The following SHISA5 variants were observed in gnomAD, a reference collection of about 807,000 sequenced individuals.
The protein encoded by SHISA5 is shisa family member 5, also known as protein shisa-5.
Under a neutral mutation model 27.5 loss-of-function variants are expected in SHISA5, and 21 were observed. The observed-to-expected ratio is 0.76, with a 90% CI of 0.54 to 1.10. The LOEUF (loss-of-function observed/expected upper bound fraction) is 1.10. Among genes scored for constraint, SHISA5 ranks in the 50% least tolerant of loss-of-function variants. The probability of loss-of-function intolerance (pLI) is 0.00; values close to 1 mark genes in which losing one functional copy is unlikely to be tolerated. For missense variants in SHISA5, 314 were observed against 336.3 expected (o/e 0.93, Z 0.52); for synonymous variants, 137 against 142.2 (o/e 0.96, Z 0.26).
At chr3:48,485,564 T>C in intron 2 of SHISA5, among the ~76,000 whole-genome samples, 1 of 144,252 alleles carries the variant, frequency 6.9e-6, no homozygotes, top group East Asian at 2.0e-4. Flanking sequence ...ATATTATATA[T>C]AATATATATT....
chr3:48,472,697 C>T (rs543308905), intron 3 of SHISA5, among the ~76,000 whole-genome samples: 5 of 152,060 alleles, frequency 3.3e-5, no homozygotes, highest in East Asian at 1.9e-4. Context: ...CACCCTACCC[C>T]GCCCTGGGAC....
intron 2 of SHISA5, among the ~76,000 whole-genome samples, chr3:48,487,687 G>T (rs1478061782): frequency 2.0e-5 from 3 of 152,098 alleles, no homozygotes; most frequent in Admixed American, 2.0e-4. Flanking sequence ...CTGAGGTAAG[G>T]AGTTCAAGGC....
intron 2 of SHISA5, among the ~76,000 whole-genome samples, chr3:48,489,908 G>C (rs1275932548): frequency 1.3e-5 from 2 of 152,054 alleles, no homozygotes; most frequent in Non-Finnish European, 2.9e-5. Flanking sequence ...GGGATTAAAG[G>C]CGTCAGCCAT....
chr3:48,473,526 G>A lies in SHISA5; in HGVS notation c.315-3683C>T, dbSNP rs1272300894. ...GCCCTGGCTGACACACATGCAAGGA[G>A]CAAAGTCCAGCCTGTCCCTTTAGCT... is the stretch of plus-strand genomic sequence containing the variant. On this transcript the variant is annotated intron_variant, in intron 3 of 5. Coordinates refer to ENST00000296444, the MANE Select transcript of SHISA5 (RefSeq NM_016479.6). The surrounding 1 kb of genome is among the most constrained non-coding windows in gnomAD (Gnocchi z 4.3). 1.6e-5 allele frequency: 20 copies of A among 1,288,448 alleles called. No homozygotes were observed. The highest frequency in any genetic ancestry group is 2.0e-5 in the Non-Finnish European group (20 of 988,486). 79.8% of individuals were successfully genotyped at this position (1,288,448 alleles called of 1,614,324 possible). A position where few individuals can be genotyped will look rare whatever the true frequency, so the allele number is the denominator to read the frequency against.
chr3:48,501,104 G>A lies in SHISA5; in HGVS notation c.233+33C>T, dbSNP rs754207400. On this transcript the variant is annotated intron_variant, in intron 2 of 5. Transcript: ENST00000296444. Reference sequence around the variant, plus strand: ...ACTCTCCTGTGGGGCACAGGCTCAAGCCACCCACCCTGTGACCCACTGGTG... The same window carrying A: ...ACTCTCCTGTGGGGCACAGGCTCAAACCACCCACCCTGTGACCCACTGGTG... 7 of 1,586,072 alleles carry A rather than the reference G, an allele frequency of 4.4e-6. No homozygotes were observed. In the South Asian group the frequency reaches 4.6e-5, roughly 10 times the overall value.
At chr3:48,485,543 A>C (rs886069926) in intron 2 of SHISA5, among the ~76,000 whole-genome samples, 47 of 138,468 alleles carry the variant, frequency 3.4e-4, no homozygotes, top group Non-Finnish European at 6.0e-4. Flanking sequence ...TATATATATT[A>C]TATATATAAT....
chr3:48,482,177 A>G (rs1305318473), intron 2 of SHISA5, among the ~76,000 whole-genome samples: 1 of 152,120 alleles, frequency 6.6e-6, no homozygotes, highest in Non-Finnish European at 1.5e-5. Flanking sequence ...ATAAACCAGA[A>G]TAGCCATAGA....
At chr3:48,475,751 A>G (rs114070510) in intron 3 of SHISA5, among the ~76,000 whole-genome samples, 2,249 of 152,262 alleles carry the variant, frequency 0.015, 54 homozygotes, top group African/African-American at 0.051. Flanking sequence ...GTCTTGCCCG[A>G]CAGTCCTGTG....
Position 48,469,086 on chromosome 3 carries a change from G to A in SHISA5, c.*21C>T. On this transcript the variant is annotated 3_prime_UTR_variant, in exon 6 of 6. Transcript: ENST00000296444. The surrounding 1 kb of genome is among the most constrained non-coding windows in gnomAD (Gnocchi z 4.6). ...ACACACACAACATAACCAAGTGGCA[G>A]CCAGAGAGGCCAGGGAATGCTCAGA... The A allele has an allele frequency of 6.2e-7, 1 of 1,612,572 alleles. No individual in the cohort carries two copies. The highest frequency in any genetic ancestry group is 1.1e-5 in the South Asian group (1 of 91,088).
intron 2 of SHISA5, among the ~76,000 whole-genome samples, chr3:48,499,877 A>G (rs1300245873): frequency 1.4e-5 from 2 of 142,610 alleles, no homozygotes; most frequent in Non-Finnish European, 3.0e-5. Flanking sequence ...AAAAAAAAAA[A>G]AAAAAAAAGC....
chr3:48,473,087 G>C lies in SHISA5; in HGVS notation c.315-3244C>G. The C allele has an allele frequency of 6.7e-7, 1 of 1,497,482 alleles. No individual in the cohort carries two copies. The highest frequency in any genetic ancestry group is 8.8e-7 in the Non-Finnish European group (1 of 1,130,070). The allele number at this position is 1,497,482 out of a possible 1,614,324, so 92.8% of individuals were successfully genotyped here. On this transcript the variant is annotated intron_variant, in intron 3 of 5. Transcript: ENST00000296444. The surrounding 1 kb of genome is among the most constrained non-coding windows in gnomAD (Gnocchi z 4.3). The stretch of plus-strand genomic sequence containing the variant: ...CCCTCTTCCCATCGTGGGCCACTCA[G>C]TTTCAATTTCCTCCCCTTTTGGAGA...
At chr3:48,491,113 C>T (rs1398064014) in intron 2 of SHISA5, among the ~76,000 whole-genome samples, 1 of 115,708 alleles carries the variant, frequency 8.6e-6, no homozygotes, top group Non-Finnish European at 1.7e-5. Context: ...CTGGACCAAA[C>T]CAATGTATTT....
Position 48,476,114 on chromosome 3 carries a change from G to T in SHISA5, c.314+3063C>A, listed in dbSNP as rs553199611. On this transcript the variant is annotated intron_variant, in intron 3 of 5. Transcript: ENST00000296444. ...TCCCAGCATTTTGGGAGGCTGAGGC[G>T]GGCAGATCACAAGGTCAGGAGCTCG... 5.3e-5 allele frequency among the ~76,000 whole-genome samples: 8 copies of T among 152,180 alleles called. No homozygotes were observed. The South Asian group carries it at 1.7e-3, about 32-fold the overall frequency.
rs771045695 is a variant in SHISA5 at position 48,469,369 on chromosome 3, G to T, written c.635C>A (p.Thr212Asn). The T allele has an allele frequency of 1.3e-6, 2 of 1,586,942 alleles. No homozygotes were observed. The highest frequency in any genetic ancestry group is 8.6e-7 in the Non-Finnish European group (1 of 1,163,914). ...TTGGCAGGGGCACTCACCAGCCAGG[G>T]TCTCGTGGTAGGCCGGTGGGCCCAT... ...QPMGPPAYHE[T>N]LAGGAAAPYP... Residue 212 changes from threonine to asparagine, a missense_variant, in exon 5 of 6, where the codon ACC becomes AAC. By Grantham distance (65) the Thr-to-Asn change is moderately conservative (BLOSUM62 0). Coordinates refer to ENST00000296444, the MANE Select transcript of SHISA5 (RefSeq NM_016479.6). This position sits in a 1 kb window ranked among gnomAD's most constrained non-coding sequence, Gnocchi z 4.6.
chr3:48,490,902 C>G (rs1306692431), intron 2 of SHISA5, among the ~76,000 whole-genome samples: 1 of 152,150 alleles, frequency 6.6e-6, no homozygotes, highest in African/African-American at 2.4e-5. Flanking sequence ...CATCTATTGT[C>G]TCTAAGGGCA....
chr3:48,476,722 C>G (rs2040838513), intron 3 of SHISA5: 1 of 163,740 alleles, frequency 6.1e-6, no homozygotes. Flanking sequence ...GCTCCTGCAC[C>G]TTTATAAAGC....
chr3:48,468,767 C>T lies in SHISA5; in HGVS notation c.*340G>A. 1.4e-6 allele frequency: 2 copies of T among 1,388,640 alleles called. No homozygotes were observed. The highest frequency in any genetic ancestry group is 1.9e-6 in the Non-Finnish European group (2 of 1,053,320). The allele number at this position is 1,388,640 out of a possible 1,614,324, so 86.0% of individuals were successfully genotyped here. ...CCTAGGGTAAGCTGGAGAAGAACTC[C>T]AGATGTGCCCTGGAGAGGCCCCCAC... On this transcript the variant is annotated 3_prime_UTR_variant, in exon 6 of 6. Transcript: ENST00000296444.
chr3:48,496,217 G>A (rs1346220120), intron 2 of SHISA5, among the ~76,000 whole-genome samples: 23 of 150,802 alleles, frequency 1.5e-4, no homozygotes, highest in African/African-American at 4.9e-4. Flanking sequence ...ACTTGAACCC[G>A]GGAAGCGGAG....
rs1164587297 is a variant in SHISA5, at chr3:48,473,193, C to T, written c.315-3350G>A. ...GCCCCGTTCCACCCTCTTAAAGACACAGGATGGCCCCGCCCAGCAGCCGGC... is the reference window on the plus strand; with the variant it reads ...GCCCCGTTCCACCCTCTTAAAGACATAGGATGGCCCCGCCCAGCAGCCGGC... On this transcript the variant is annotated intron_variant, in intron 3 of 5. Transcript: ENST00000296444. This position sits in a 1 kb window ranked among gnomAD's most constrained non-coding sequence, Gnocchi z 4.3. 4.9e-6 allele frequency: 7 copies of T among 1,430,374 alleles called. No homozygotes were observed. Among genetic ancestry groups the T allele is most frequent in the Non-Finnish European group, 6.4e-6 (7 of 1,095,770 alleles). 88.6% of individuals were successfully genotyped at this position (1,430,374 alleles called of 1,614,324 possible). A position where few individuals can be genotyped will look rare whatever the true frequency, so the allele number is the denominator to read the frequency against.
Sources: allele counts gnomAD v4.1 joint callset (sites outside exome capture counted in the v4.1 genomes callset), GRCh38; gene constraint gnomAD v4.1.1; non-coding constraint Gnocchi (gnomAD v3.1); transcripts MANE v1.5; gene names NCBI Gene and HGNC (gene_info 2026-07-23, HGNC 2026-07-21).